Variants in VWA5B1 observed in about 807,000 individuals in gnomAD.
VWA5B1 encodes the protein von Willebrand factor A domain containing 5B1.
A neutral mutation model predicts 118.2 loss-of-function variants in VWA5B1; 115 were observed. The ratio of observed to expected loss-of-function variants is 0.97; its 90% confidence interval spans 0.84 to 1.14. The LOEUF is 1.14. Ranked by LOEUF, VWA5B1 falls within the 50% of genes most tolerant of loss-of-function variation. The probability of loss-of-function intolerance (pLI) is 0.00; values close to 1 mark genes in which losing one functional copy is unlikely to be tolerated. For synonymous variants in VWA5B1, 682 were observed against 658.4 expected (o/e 1.04, Z -0.55); for missense variants, 1,596 against 1,603.8 (o/e 1.00, Z 0.08).
At chr1:20,328,574 C>A (rs932214678) in intron 9 of VWA5B1, among the ~76,000 whole-genome samples, 2 of 152,010 alleles carry the variant, frequency 1.3e-5, no homozygotes, top group African/African-American at 4.8e-5. Context: ...GAAGGACAAG[C>A]AAATGGGACA....
intron 18 of VWA5B1, among the ~76,000 whole-genome samples, chr1:20,349,888 A>G (rs1218904869): frequency 6.6e-6 from 1 of 152,122 alleles, no homozygotes; most frequent in Non-Finnish European, 1.5e-5. Flanking sequence ...CAAAATGTAT[A>G]AAGTAATTTT....
rs369284969 is a variant in VWA5B1, at chr1:20,332,936, C to T, written c.1743C>T (p.Ile581=). The change falls in exon 12 of 22, where the codon ATC becomes ATT. Residue 581 remains isoleucine, a synonymous_variant. Transcript: ENST00000289815. The part of the protein sequence containing the change: ...YGIVCDASLH[I]SNPRSDKRRR... Reference sequence around the variant, plus strand: ...TTGTATGTGATGCTTCTTTGCACATCTCCAATCCCAGATCTGTAAGTATCC... The same window carrying T: ...TTGTATGTGATGCTTCTTTGCACATTTCCAATCCCAGATCTGTAAGTATCC... 6.4e-7 allele frequency: 1 copy of T among 1,551,826 alleles called. No homozygotes were observed. Among genetic ancestry groups the T allele is most frequent in the African/African-American group, 1.4e-5 (1 of 73,072 alleles).
At chr1:20,339,111 G>T (rs1478549191) in intron 14 of VWA5B1, 3 of 152,208 alleles carry the variant, frequency 2.0e-5, no homozygotes, top group African/African-American at 2.4e-5. Context: ...CTCGCTAGAG[G>T]CCTCCTGGGA....
intron 1 of VWA5B1, among the ~76,000 whole-genome samples, chr1:20,306,904 A>G (rs1247804668): frequency 7.9e-5 from 12 of 152,146 alleles, no homozygotes; most frequent in African/African-American, 2.9e-4. Flanking sequence ...AGGGGATCCA[A>G]TTTATAACTC....
At chr1:20,321,122 A>AAAAAAC (rs2089199570) in intron 7 of VWA5B1, among the ~76,000 whole-genome samples, 1 of 151,894 alleles carries the variant, frequency 6.6e-6, no homozygotes, top group African/African-American at 2.4e-5. Flanking sequence ...GCAAAAAAAA[A>AAAAAAC]AAAAAAACAC....
At chr1:20,301,889 T>C (rs547828789) in intron 1 of VWA5B1, among the ~76,000 whole-genome samples, 64 of 152,284 alleles carry the variant, frequency 4.2e-4, no homozygotes, top group Non-Finnish European at 8.2e-4. Flanking sequence ...GAGCAGAGGC[T>C]CCAACGCAGG....
Position 20,342,966 on chromosome 1 carries a change from G to A in VWA5B1, c.2312-113G>A, listed in dbSNP as rs535744552. 6 of 1,440,728 alleles carry A rather than the reference G, an allele frequency of 4.2e-6. No homozygotes were observed. The African/African-American group carries it at 8.6e-5, about 21-fold the overall frequency. The allele number at this position is 1,440,728 out of a possible 1,614,324, so 89.2% of individuals were successfully genotyped here. A position where few individuals can be genotyped will look rare whatever the true frequency, so the allele number is the denominator to read the frequency against. On this transcript the variant is annotated intron_variant, in intron 15 of 21. Coordinates refer to ENST00000289815, the MANE Select transcript of VWA5B1 (RefSeq NM_001039500.3). ...GTTGCCTGTTCCCTGGGGAGATGGA[G>A]TGGGTTGTACTTGCTTAGAAGTGTC...
At chr1:20,297,650 G>A (rs2100798879) in intron 1 of VWA5B1, among the ~76,000 whole-genome samples, 1 of 152,352 alleles carries the variant, frequency 6.6e-6, no homozygotes, top group African/African-American at 2.4e-5. Context: ...GTCCCTTCAA[G>A]GATCTTAGCC....
chr1:20,305,372 G>A lies in VWA5B1; in HGVS notation c.-26-5204G>A, dbSNP rs1031387048. ...TGATGCACTGTTCCCAAGCATGCTC[G>A]AGTCACCTGAGATGATGGCAGGGCT... On this transcript the variant is annotated intron_variant, in intron 1 of 21. Transcript: ENST00000289815. Among the ~76,000 whole-genome samples the A allele has an allele frequency of 3.3e-5, 5 of 152,084 alleles. No homozygotes were observed. In the South Asian group the frequency reaches 8.3e-4, roughly 25 times the overall value.
rs1159108538 is a variant in VWA5B1 at position 20,354,436 on chromosome 1, C to A, written c.*173C>A. ...AGTTCAATCCCAACTTTGCTACCAT[C>A]CAGCCATGCAACTTTAGGCCAGTGC... On this transcript the variant is annotated 3_prime_UTR_variant, in exon 22 of 22. Transcript: ENST00000289815. 2.4e-6 allele frequency: 2 copies of A among 821,454 alleles called. No homozygotes were observed. The highest frequency in any genetic ancestry group is 1.8e-5 in the South Asian group (1 of 54,146). The allele number at this position is 821,454 out of a possible 1,614,324, so 50.9% of individuals were successfully genotyped here. A position where few individuals can be genotyped will look rare whatever the true frequency, so the allele number is the denominator to read the frequency against.
rs1254178802 is a variant in VWA5B1 at position 20,356,165 on chromosome 1, AG to A, written c.*1905del. Among the ~76,000 whole-genome samples the A allele has an allele frequency of 6.6e-6, 1 of 152,194 alleles. No homozygotes were observed. Among genetic ancestry groups the A allele is most frequent in the African/African-American group, 2.4e-5 (1 of 41,458 alleles). On this transcript the variant is annotated 3_prime_UTR_variant, in exon 22 of 22. Transcript: ENST00000289815. The stretch of plus-strand genomic sequence containing the variant: ...AGGCAGCAGCCTCAGCTTCAGGGTA[AG>A]GGTGGCCGGGGGTGGCATCTACTTC...
chr1:20,303,793 C>A (rs966717817), intron 1 of VWA5B1, among the ~76,000 whole-genome samples: 1 of 152,226 alleles, frequency 6.6e-6, no homozygotes, highest in East Asian at 1.9e-4. Context: ...GGAGCCCTGA[C>A]ACAGCCCCCT....
chr1:20,336,458 A>G lies in VWA5B1; in HGVS notation c.1914A>G (p.Leu638=), dbSNP rs923756214. The change falls in exon 13 of 22, where the codon CTA becomes CTG. Residue 638 remains leucine (L), a synonymous_variant. Coordinates refer to ENST00000289815, the MANE Select transcript of VWA5B1 (RefSeq NM_001039500.3). ...FILGQAKNAR[L]ASGDSTTKHD... ...TAGGGCAGGCCAAAAATGCCCGGCT[A>G]GCCAGCGGAGACTCTACCACCAAGC... 1.1e-5 allele frequency: 16 copies of G among 1,473,028 alleles called. No homozygotes were observed. The African/African-American group carries it at 1.8e-4, about 17-fold the overall frequency. 91.2% of individuals were successfully genotyped at this position (1,473,028 alleles called of 1,614,324 possible). A position where few individuals can be genotyped will look rare whatever the true frequency, so the allele number is the denominator to read the frequency against.
chr1:20,302,313 A>G (rs1002024138), intron 1 of VWA5B1, among the ~76,000 whole-genome samples: 1 of 152,132 alleles, frequency 6.6e-6, no homozygotes, highest in South Asian at 2.1e-4. Context: ...GCTGAAATAA[A>G]TTTCTCCCAT....
At chr1:20,343,428 G>A (rs1037896342) in intron 16 of VWA5B1, 35 bp downstream of exon 16, 1 of 1,475,994 alleles carries the variant, frequency 6.8e-7, no homozygotes, top group African/African-American at 1.4e-5. Flanking sequence ...TCCCGCGGAC[G>A]GCCTCCGGAG....
rs1557445173 is a variant in VWA5B1, at chr1:20,345,509, A to G, written c.2680A>G (p.Ile894Val). The change falls in exon 17 of 22, where the codon ATC (isoleucine) becomes GTC (valine). Residue 894 changes from isoleucine (I) to valine (V), a missense_variant. Transcript: ENST00000289815. ...CTTGCACACCAGCAAGGCCTGCAAC[A>G]TCATTAGCAAATACACAGCCTTCGT... ...SALHTSKACN[I>V]ISKYTAFVPV... 3 of 1,551,296 alleles carry G rather than the reference A, an allele frequency of 1.9e-6. No individual in the cohort carries two copies. The highest frequency in any genetic ancestry group is 2.6e-6 in the Non-Finnish European group (3 of 1,146,990).
At position 20,332,873 on chromosome 1, in the gene VWA5B1, C is replaced by T; in HGVS notation, c.1680C>T (p.Ser560=). The T allele has an allele frequency of 6.4e-7, 1 of 1,551,960 alleles. No homozygotes were observed. Among genetic ancestry groups the T allele is most frequent in the Non-Finnish European group, 8.7e-7 (1 of 1,147,066 alleles). Residue 560 remains serine, a synonymous_variant, in exon 12 of 22, where the codon AGC becomes AGT. Coordinates refer to ENST00000289815, the MANE Select transcript of VWA5B1 (RefSeq NM_001039500.3). ...TEVLVSPVSA[S]SLFPGERLVG... ...TCCTGGTCTCACCCGTCAGCGCCAG[C>T]TCCCTCTTCCCTGGAGAACGGCTGG...
In VWA5B1 at chr1:20,340,199, G is replaced by GCACACA. The variant is rs142332871; in HGVS notation, c.2134-2217_2134-2212dup. Among the ~76,000 whole-genome samples the GCACACA allele has an allele frequency of 4.0e-5, 6 of 148,770 alleles. No homozygotes were observed. The South Asian group carries it at 6.4e-4, about 16-fold the overall frequency. The stretch of plus-strand genomic sequence containing the variant: ...ACACGCAACACACTTATATGTGCGC[G>GCACACA]CACACACACACACACACACACTCCA... On this transcript the variant is annotated intron_variant, in intron 14 of 21. Coordinates refer to ENST00000289815, the MANE Select transcript of VWA5B1 (RefSeq NM_001039500.3).
Position 20,330,398 on chromosome 1 carries a change from G to C in VWA5B1, c.1457+16G>C, listed in dbSNP as rs1023256051. On this transcript the variant is annotated intron_variant, in intron 10 of 21. Transcript: ENST00000289815. ...TCTCCACCAGGTCGGCCTTGGCTGA[G>C]GGTCTAGGCTCGGTGACTCCAGGCT... is the stretch of plus-strand genomic sequence containing the variant. 24 of 1,551,208 alleles carry C rather than the reference G, an allele frequency of 1.5e-5. No individual in the cohort carries two copies. The African/African-American group carries it at 2.5e-4, about 16-fold the overall frequency.
Sources: allele counts gnomAD v4.1 joint callset (sites outside exome capture counted in the v4.1 genomes callset), GRCh38; gene constraint gnomAD v4.1.1; transcripts MANE v1.5; gene names NCBI Gene and HGNC (gene_info 2026-07-23, HGNC 2026-07-21).